GLRA3: variants seen among roughly 807,000 people sequenced by gnomAD.
The protein encoded by GLRA3 is glycine receptor alpha 3.
In GLRA3, 44 loss-of-function variants were observed where a neutral mutation model predicts 60.4. That is an observed-to-expected ratio of 0.73 (90% confidence interval 0.57 to 0.94). GLRA3 has a LOEUF of 0.94. GLRA3 is among the 40% of genes least tolerant of loss of function. GLRA3 has a pLI of 0.00. For synonymous variants in GLRA3, 223 were observed against 192.9 expected, an observed-to-expected ratio of 1.16 and a Z score of -1.29; for missense variants, 508 against 564.6, an observed-to-expected ratio of 0.90 and a Z score of 1.02.
intron 6 of GLRA3, among the ~76,000 whole-genome samples, chr4:174,682,437 T>TA (rs1012198640): frequency 6.6e-5 from 10 of 151,774 alleles, no homozygotes; most frequent in Middle Eastern, 3.2e-3. Flanking sequence ...AAATGCAATT[T>TA]AAAAAAAAAT....
chr4:174,755,327 C>T (rs1737651574), intron 3 of GLRA3, among the ~76,000 whole-genome samples: 1 of 151,728 alleles, frequency 6.6e-6, no homozygotes, highest in Non-Finnish European at 1.5e-5. Context: ...GAACTGCTGC[C>T]CTATGGACAC....
In GLRA3 at chr4:174,691,646, G is replaced by A. The variant is rs567563435; in HGVS notation, c.575-8707C>T. 2.4e-3 allele frequency among the ~76,000 whole-genome samples: 365 copies of A among 152,308 alleles called. 3 individuals are homozygous for A. The highest frequency in any genetic ancestry group is 8.2e-3 in the African/African-American group (342 of 41,590). ...TAACCGCGAGTGATCCGCCAGCCTC[G>A]GCCTCCCGAGGTGCCGGGATTGCAG... On this transcript the variant is annotated intron_variant, in intron 5 of 9. Coordinates refer to ENST00000274093, the MANE Select transcript of GLRA3 (RefSeq NM_006529.4).
chr4:174,754,380 T>C (rs1737603894), intron 3 of GLRA3, among the ~76,000 whole-genome samples: 1 of 152,172 alleles, frequency 6.6e-6, no homozygotes, highest in South Asian at 2.1e-4. Context: ...ATCCATGCCA[T>C]TTCTATATTT....
chr4:174,731,994 G>T (rs1237359068), intron 3 of GLRA3, among the ~76,000 whole-genome samples: 1 of 152,184 alleles, frequency 6.6e-6, no homozygotes, highest in Non-Finnish European at 1.5e-5. Context: ...GACTTTTGAT[G>T]ATATCAGAAT....
intron 3 of GLRA3, among the ~76,000 whole-genome samples, chr4:174,754,760 A>C (rs560045471): frequency 1.3e-5 from 2 of 152,250 alleles, no homozygotes; most frequent in Admixed American, 6.5e-5. Flanking sequence ...TGTGATAAAA[A>C]TTACTGTAAA....
At chr4:174,688,161 C>T (rs1734621316) in intron 5 of GLRA3, among the ~76,000 whole-genome samples, 1 of 151,482 alleles carries the variant, frequency 6.6e-6, no homozygotes, top group Non-Finnish European at 1.5e-5. Flanking sequence ...GTCTAAGTCA[C>T]TGACAAGTAG....
intron 1 of GLRA3, among the ~76,000 whole-genome samples, chr4:174,798,234 T>C (rs1399902244): frequency 6.6e-6 from 1 of 151,960 alleles, no homozygotes; most frequent in African/African-American, 2.4e-5. Flanking sequence ...GCAGGGAAGG[T>C]TTAGGGTATG....
At chr4:174,746,216 G>T (rs143266182) in intron 3 of GLRA3, among the ~76,000 whole-genome samples, 1 of 152,070 alleles carries the variant, frequency 6.6e-6, no homozygotes, top group East Asian at 1.9e-4. Flanking sequence ...AGCACTATTC[G>T]CAGTAGCAAA....
At chr4:174,826,913 G>T (rs1349094881) in intron 1 of GLRA3, among the ~76,000 whole-genome samples, 1 of 148,670 alleles carries the variant, frequency 6.7e-6, no homozygotes, top group African/African-American at 2.5e-5. Context: ...TCTTTTGGGG[G>T]TCATCACTAA....
Position 174,766,676 on chromosome 4 carries a change from GA to G in GLRA3, c.267+286del, listed in dbSNP as rs1278983400. On this transcript the variant is annotated intron_variant, in intron 3 of 9. Coordinates refer to ENST00000274093, the MANE Select transcript of GLRA3 (RefSeq NM_006529.4). ...TATGTCTGGATATTAAAGATTATTG[GA>G]AAAAAATAATTGCTATGGTGACATT... Among the ~76,000 whole-genome samples the G allele has an allele frequency of 2.0e-5, 3 of 151,804 alleles. No individual in the cohort carries two copies. The South Asian group carries it at 6.2e-4, about 31-fold the overall frequency.
chr4:174,684,404 A>T (rs1446610425), intron 5 of GLRA3, among the ~76,000 whole-genome samples: 2 of 152,192 alleles, frequency 1.3e-5, no homozygotes, highest in Non-Finnish European at 2.9e-5. Flanking sequence ...TTTGCACATA[A>T]TATCAGGGAA....
At chr4:174,658,984 A>G in intron 8 of GLRA3, 70 bp downstream of exon 8, 1 of 1,352,216 alleles carries the variant, frequency 7.4e-7, no homozygotes, top group Non-Finnish European at 1.0e-6. Flanking sequence ...TTTCATCTCT[A>G]TTAAATACAA....
chr4:174,770,631 A>C (rs1382937971), intron 2 of GLRA3, among the ~76,000 whole-genome samples: 1 of 152,098 alleles, frequency 6.6e-6, no homozygotes, highest in Non-Finnish European at 1.5e-5. Flanking sequence ...TAATTCAAAC[A>C]TGTATAGAAG....
chr4:174,714,441 A>G (rs1056204003), intron 5 of GLRA3, among the ~76,000 whole-genome samples: 1 of 152,188 alleles, frequency 6.6e-6, no homozygotes, highest in African/African-American at 2.4e-5. Context: ...ATCCATATGT[A>G]TGCTAATTAT....
chr4:174,787,693 T>A (rs1739173829), intron 2 of GLRA3, among the ~76,000 whole-genome samples: 1 of 151,838 alleles, frequency 6.6e-6, no homozygotes, highest in South Asian at 2.1e-4. Flanking sequence ...TTGTATATTG[T>A]ACCCTGTAAG....
intron 3 of GLRA3, among the ~76,000 whole-genome samples, chr4:174,733,247 A>T (rs1736625774): frequency 1.3e-5 from 2 of 152,168 alleles, no homozygotes; most frequent in Non-Finnish European, 2.9e-5. Context: ...CTCCAGAAGG[A>T]ACACAGCCCT....
intron 2 of GLRA3, among the ~76,000 whole-genome samples, chr4:174,783,001 G>A (rs948237162): frequency 6.6e-6 from 1 of 152,106 alleles, no homozygotes; most frequent in Non-Finnish European, 1.5e-5. Context: ...AAAAGAGCCT[G>A]CATCACCAAC....
intron 1 of GLRA3, among the ~76,000 whole-genome samples, chr4:174,799,070 A>G (rs1739701616): frequency 6.6e-6 from 1 of 152,188 alleles, no homozygotes; most frequent in East Asian, 1.9e-4. Flanking sequence ...TCTAATTTCT[A>G]CCTGCAGTTG....
At chr4:174,666,956 A>T (rs1236457070) in intron 7 of GLRA3, among the ~76,000 whole-genome samples, 1 of 151,906 alleles carries the variant, frequency 6.6e-6, no homozygotes, top group African/African-American at 2.4e-5. Flanking sequence ...GATACAATGC[A>T]AGTAGCAAAC....
Sources: allele counts gnomAD v4.1 joint callset (sites outside exome capture counted in the v4.1 genomes callset), GRCh38; gene constraint gnomAD v4.1.1; transcripts MANE v1.5; gene names NCBI Gene and HGNC (gene_info 2026-07-23, HGNC 2026-07-21).